The following PLCXD3 variants were observed in gnomAD, a reference collection of about 807,000 sequenced individuals.
PLCXD3 encodes phosphatidylinositol specific phospholipase C X domain containing 3, also known as PI-PLC X domain-containing protein 3.
PLCXD3 carries 19 observed loss-of-function variants against 25.5 expected under a neutral mutation model. The observed-to-expected ratio is 0.75, with a 90% CI of 0.52 to 1.09. The LOEUF (loss-of-function observed/expected upper bound fraction) is 1.09, where lower values mean the gene tolerates loss of function less well. Ranked by LOEUF, PLCXD3 falls within the 50% of genes least tolerant of loss-of-function variation. PLCXD3 has a pLI of 0.00. For missense variants in PLCXD3, 411 were observed against 388.1 expected (o/e 1.06, Z -0.50); for synonymous variants, 174 against 137.6 (o/e 1.26, Z -1.85).
chr5:41,443,339 T>C (rs1180221890), intron 1 of PLCXD3, among the ~76,000 whole-genome samples: 2 of 152,018 alleles, frequency 1.3e-5, no homozygotes, highest in Non-Finnish European at 2.9e-5. Flanking sequence ...ATGTATGCCA[T>C]ACCATATAGC....
intron 1 of PLCXD3, among the ~76,000 whole-genome samples, chr5:41,425,398 T>C (rs1157456682): frequency 6.6e-6 from 1 of 151,204 alleles, no homozygotes; most frequent in Non-Finnish European, 1.5e-5. Context: ...GCTTCCCCAG[T>C]ACATGCACAC....
chr5:41,500,416 T>C (rs1319391189), intron 1 of PLCXD3, among the ~76,000 whole-genome samples: 1 of 151,812 alleles, frequency 6.6e-6, no homozygotes, highest in Non-Finnish European at 1.5e-5. Context: ...AGACAATGGA[T>C]ACTCAGAAGG....
At chr5:41,451,292 G>C (rs1747624924) in intron 1 of PLCXD3, among the ~76,000 whole-genome samples, 1 of 152,080 alleles carries the variant, frequency 6.6e-6, no homozygotes, top group Non-Finnish European at 1.5e-5. Context: ...TTATAAGCCA[G>C]TGAATTTCCT....
At chr5:41,315,368 A>G (rs547955584) in intron 2 of PLCXD3, among the ~76,000 whole-genome samples, 2 of 152,188 alleles carry the variant, frequency 1.3e-5, no homozygotes, top group African/African-American at 2.4e-5. Context: ...AAAACCTAGA[A>G]GAAGTTGTAT....
chr5:41,479,388 GAA>G (rs1748347481), intron 1 of PLCXD3, among the ~76,000 whole-genome samples: 1 of 151,990 alleles, frequency 6.6e-6, no homozygotes, highest in Admixed American at 6.6e-5. Flanking sequence ...TGAGGAAGAT[GAA>G]AAAATTCTTG....
intron 2 of PLCXD3, among the ~76,000 whole-genome samples, chr5:41,332,192 C>T (rs1363993123): frequency 3.9e-5 from 6 of 152,030 alleles, no homozygotes; most frequent in African/African-American, 1.5e-4. Flanking sequence ...ACAACCTACT[C>T]ATCTGACAAA....
intron 2 of PLCXD3, among the ~76,000 whole-genome samples, chr5:41,375,269 C>G (rs1745256345): frequency 1.3e-5 from 2 of 152,080 alleles, no homozygotes; most frequent in African/African-American, 4.8e-5. Context: ...AGGCAAGGCC[C>G]CAGGGCACCA....
At chr5:41,331,906 C>G (rs1171320988) in intron 2 of PLCXD3, among the ~76,000 whole-genome samples, 1 of 152,194 alleles carries the variant, frequency 6.6e-6, no homozygotes, top group African/African-American at 2.4e-5. Flanking sequence ...AAAGCTGAAA[C>G]TGGATCCCTT....
chr5:41,370,869 G>T (rs1190632995), intron 2 of PLCXD3, among the ~76,000 whole-genome samples: 1 of 152,130 alleles, frequency 6.6e-6, no homozygotes, highest in Non-Finnish European at 1.5e-5. Flanking sequence ...GAAGACAAAT[G>T]GAATGTTCTC....
intron 1 of PLCXD3, among the ~76,000 whole-genome samples, chr5:41,456,014 A>G (rs1481998885): frequency 6.6e-6 from 1 of 151,930 alleles, no homozygotes; most frequent in Non-Finnish European, 1.5e-5. Flanking sequence ...TGGTACAGTG[A>G]TAGATGGAGT....
chr5:41,341,258 C>T (rs1744139285), intron 2 of PLCXD3, among the ~76,000 whole-genome samples: 1 of 152,160 alleles, frequency 6.6e-6, no homozygotes, highest in African/African-American at 2.4e-5. Flanking sequence ...CGCATGTCTA[C>T]ACTGCCATGC....
intron 1 of PLCXD3, among the ~76,000 whole-genome samples, chr5:41,490,190 A>C (rs539428214): frequency 1.3e-5 from 2 of 152,318 alleles, no homozygotes; most frequent in Admixed American, 6.5e-5. Flanking sequence ...CTATTGAGAT[A>C]ATCACGTGGT....
intron 2 of PLCXD3, among the ~76,000 whole-genome samples, chr5:41,364,866 C>T (rs1283920484): frequency 6.6e-6 from 1 of 152,188 alleles, no homozygotes; most frequent in African/African-American, 2.4e-5. Flanking sequence ...AGGAATGTAT[C>T]TTGGCATGTA....
intron 1 of PLCXD3, among the ~76,000 whole-genome samples, chr5:41,409,026 C>T (rs1746438116): frequency 6.6e-6 from 1 of 152,174 alleles, no homozygotes; most frequent in Non-Finnish European, 1.5e-5. Context: ...TGGCAAACAA[C>T]TTGGGAGAGA....
intron 2 of PLCXD3, among the ~76,000 whole-genome samples, chr5:41,336,242 G>T (rs1743976188): frequency 6.6e-6 from 1 of 152,130 alleles, no homozygotes; most frequent in Non-Finnish European, 1.5e-5. Context: ...TAGGTGGTAT[G>T]GCATAGAGGA....
At position 41,358,621 on chromosome 5, in the gene PLCXD3, G is replaced by A. The variant is rs180992354; in HGVS notation, c.812+23205C>T. Among the ~76,000 whole-genome samples, 21 of 152,262 alleles carry A rather than the reference G, an allele frequency of 1.4e-4. No homozygotes were observed. In the East Asian group the frequency reaches 1.7e-3, roughly 13 times the overall value. ...TTTCCAATTCCATCCAGGCTGGTAC[G>A]GATGCCATTATTTCTTTCCTTTTTA... On this transcript the variant is annotated intron_variant, in intron 2 of 2. Transcript: ENST00000377801.
intron 2 of PLCXD3, among the ~76,000 whole-genome samples, chr5:41,359,491 G>C (rs1561244697): frequency 6.6e-6 from 1 of 152,092 alleles, no homozygotes; most frequent in Non-Finnish European, 1.5e-5. Context: ...AGGTTTTCTA[G>C]TCGATGTGCA....
intron 1 of PLCXD3, among the ~76,000 whole-genome samples, chr5:41,508,996 G>A (rs955918574): frequency 3.0e-4 from 45 of 152,262 alleles, no homozygotes; most frequent in Admixed American, 7.2e-4. Context: ...GAAGAAGGAC[G>A]AAAGGAGACA....
intron 1 of PLCXD3, among the ~76,000 whole-genome samples, chr5:41,470,524 T>A (rs1371440973): frequency 6.6e-6 from 1 of 152,088 alleles, no homozygotes; most frequent in Non-Finnish European, 1.5e-5. Context: ...GGGCAGGAAT[T>A]TTTCCCCCTA....
Sources: gnomAD v4.1 joint callset for allele counts (sites outside exome capture counted in the v4.1 genomes callset) on GRCh38, gnomAD v4.1.1 for gene constraint, MANE v1.5 for transcripts, NCBI Gene and HGNC (gene_info 2026-07-23, HGNC 2026-07-21) for gene names.